FILIP1L: variants seen among roughly 807,000 people sequenced by gnomAD.
FILIP1L encodes filamin A-interacting protein 1-like.
Under a neutral mutation model 96.6 loss-of-function variants are expected in FILIP1L, and 55 were observed. The ratio of observed to expected loss-of-function variants is 0.57; its 90% CI spans 0.46 to 0.71. The LOEUF is 0.71. FILIP1L is among the 30% of genes least tolerant of loss of function. The probability of loss-of-function intolerance (pLI) is 0.00; values close to 1 mark genes in which losing one functional copy is unlikely to be tolerated. For missense variants in FILIP1L, 1,304 were observed against 1,321.2 expected (o/e 0.99, Z 0.20); for synonymous variants, 467 against 473.9 (o/e 0.99, Z 0.19).
intron 4 of FILIP1L, among the ~76,000 whole-genome samples, chr3:99,896,638 C>G (rs1481028365): frequency 6.6e-6 from 1 of 152,110 alleles, no homozygotes; most frequent in African/African-American, 2.4e-5. Flanking sequence ...GGAACAGGCA[C>G]CAAATTACTA....
chr3:100,039,063 C>T (rs572639311), intron 1 of FILIP1L, among the ~76,000 whole-genome samples: 1 of 152,250 alleles, frequency 6.6e-6, no homozygotes, highest in African/African-American at 2.4e-5. Flanking sequence ...GTTGGAAAAA[C>T]TCCTAAATTT....
Position 99,948,339 on chromosome 3 carries a change from A to G in FILIP1L, c.-10-17309T>C, listed in dbSNP as rs1388433862. Among the ~76,000 whole-genome samples the G allele has an allele frequency of 2.0e-5, 3 of 152,182 alleles. No homozygotes were observed. The East Asian group carries it at 5.8e-4, about 29-fold the overall frequency. On this transcript the variant is annotated intron_variant, in intron 1 of 5. Transcript: ENST00000477258. ...GAGACTGTCTCTCCAAAAAAATAAA[A>G]AAATTAAAAAATTTTTTAAAAATTA...
At position 99,830,574 on chromosome 3, in the gene FILIP1L, G is replaced by C. The variant is rs1266867781; in HGVS notation, c.3413C>G (p.Ala1138Gly). 8.8e-6 allele frequency: 4 copies of C among 456,626 alleles called. No homozygotes were observed. The highest frequency in any genetic ancestry group is 1.8e-5 in the Non-Finnish European group (4 of 226,950). 28.3% of individuals were successfully genotyped at this position (456,626 alleles called of 1,614,324 possible). A position where few individuals can be genotyped will look rare whatever the true frequency, so the allele number is the denominator to read the frequency against. ...IKEVCKQRIP[A>G]RIPKPKSTGI... Reference sequence around the variant, plus strand: ...TGTAGATTTCGGTTTAGGGATCCGTGCTGGGATTCTCTGCTTGCATACCTC... The same window carrying C: ...TGTAGATTTCGGTTTAGGGATCCGTCCTGGGATTCTCTGCTTGCATACCTC... Residue 1138 changes from alanine to glycine, a missense_variant, in exon 6 of 6, where the codon GCA becomes GGA. Ala to Gly is a moderately conservative substitution (Grantham distance 60, BLOSUM62 0). Transcript: ENST00000477258.
At chr3:100,085,176 T>A (rs550864634) in intron 1 of FILIP1L, among the ~76,000 whole-genome samples, 5 of 152,330 alleles carry the variant, frequency 3.3e-5, no homozygotes, top group African/African-American at 1.2e-4. Context: ...TATGGAATTG[T>A]TTTAAAAGTA....
At chr3:99,881,485 T>A (rs1488685266) in intron 4 of FILIP1L, among the ~76,000 whole-genome samples, 1 of 151,966 alleles carries the variant, frequency 6.6e-6, no homozygotes, top group East Asian at 1.9e-4. Context: ...CTTTGTTCAG[T>A]CCATTTTTTA....
At chr3:100,064,331 A>C (rs566103264) in intron 1 of FILIP1L, among the ~76,000 whole-genome samples, 2 of 151,946 alleles carry the variant, frequency 1.3e-5, no homozygotes. Flanking sequence ...CTAAAGGACC[A>C]ATTTGCCACC....
intron 1 of FILIP1L, among the ~76,000 whole-genome samples, chr3:100,069,016 C>T (rs141272460): frequency 1.5e-4 from 23 of 152,278 alleles, no homozygotes; most frequent in African/African-American, 5.1e-4. Context: ...CCAGATAGAA[C>T]GTTAGCAAGT....
intron 5 of FILIP1L, among the ~76,000 whole-genome samples, chr3:99,844,733 T>C (rs1183862208): frequency 6.6e-6 from 1 of 152,172 alleles, no homozygotes; most frequent in Non-Finnish European, 1.5e-5. Context: ...CTCACCCAAA[T>C]CTCCTAACTG....
chr3:100,076,313 A>G (rs1225978652), intron 1 of FILIP1L, among the ~76,000 whole-genome samples: 1 of 152,118 alleles, frequency 6.6e-6, no homozygotes, highest in Non-Finnish European at 1.5e-5. Context: ...GATGCTTTTC[A>G]TCTTTCTGAA....
At chr3:99,949,946 AT>A (rs1424854626) in intron 1 of FILIP1L, among the ~76,000 whole-genome samples, 2 of 152,188 alleles carry the variant, frequency 1.3e-5, no homozygotes, top group East Asian at 3.8e-4. Flanking sequence ...CTTTATACAT[AT>A]TCTTGGATAT....
At chr3:100,000,269 A>G (rs1271702871) in intron 1 of FILIP1L, among the ~76,000 whole-genome samples, 1 of 152,208 alleles carries the variant, frequency 6.6e-6, no homozygotes, top group Non-Finnish European at 1.5e-5. Flanking sequence ...GAAAAAAGTC[A>G]TCCAAAGGGG....
In FILIP1L at chr3:100,062,093, C is replaced by CTTTTTTTTTTTTTTTTTTTTTTTT. The variant is rs71907944; in HGVS notation, c.-11+51936_-11+51959dup. ...CCACTTGTGGTTATCCTGTCTTCTT[C>CTTTTTTTTTTTTTTTTTTTTTTTT]TTTTTTTTTTTTTTTTTTTTTTTTT... On this transcript the variant is annotated intron_variant, in intron 1 of 5. Transcript: ENST00000477258. Among the ~76,000 whole-genome samples, 9 of 53,182 alleles carry CTTTTTTTTTTTTTTTTTTTTTTTT rather than the reference C, an allele frequency of 1.7e-4. 2 individuals carry two copies. Among genetic ancestry groups the CTTTTTTTTTTTTTTTTTTTTTTTT allele is most frequent in the Non-Finnish European group, 2.4e-4 (7 of 29,474 alleles). The allele number at this position is 53,182 out of a possible 152,430, so 34.9% of individuals were successfully genotyped here.
chr3:99,951,935 T>G (rs553219718), intron 1 of FILIP1L, among the ~76,000 whole-genome samples: 1 of 152,354 alleles, frequency 6.6e-6, no homozygotes, highest in African/African-American at 2.4e-5. Context: ...TAGATGAGGT[T>G]CTGAAGTAAT....
intron 4 of FILIP1L, among the ~76,000 whole-genome samples, chr3:99,862,456 G>A (rs1944311498): frequency 6.6e-6 from 1 of 152,184 alleles, no homozygotes; most frequent in South Asian, 2.1e-4. Flanking sequence ...TAGTCATAAT[G>A]ATTGTCATTT....
At chr3:100,061,562 A>T (rs952892485) in intron 1 of FILIP1L, among the ~76,000 whole-genome samples, 15 of 152,220 alleles carry the variant, frequency 9.9e-5, no homozygotes, top group African/African-American at 3.1e-4. Flanking sequence ...GAACTTTTTT[A>T]AAAAATTGCT....
At chr3:100,049,930 G>A (rs1265207107) in intron 1 of FILIP1L, among the ~76,000 whole-genome samples, 4 of 152,120 alleles carry the variant, frequency 2.6e-5, no homozygotes, top group Non-Finnish European at 4.4e-5. Flanking sequence ...AGTTATATGC[G>A]ATTTTCAACT....
intron 1 of FILIP1L, among the ~76,000 whole-genome samples, chr3:100,088,681 C>T (rs547907534): frequency 1.3e-5 from 2 of 152,208 alleles, no homozygotes; most frequent in Admixed American, 1.3e-4. Flanking sequence ...CTCCTCATCA[C>T]TCCCTTGAGT....
intron 1 of FILIP1L, among the ~76,000 whole-genome samples, chr3:99,936,013 ATTCT>A (rs896514253): frequency 6.6e-6 from 1 of 152,162 alleles, no homozygotes; most frequent in Non-Finnish European, 1.5e-5. Context: ...TTTAAAAATC[ATTCT>A]TTATTAATGT....
At chr3:100,035,882 G>A (rs1002671929) in intron 1 of FILIP1L, among the ~76,000 whole-genome samples, 5 of 152,150 alleles carry the variant, frequency 3.3e-5, no homozygotes, top group African/African-American at 1.2e-4. Flanking sequence ...TCACATACAT[G>A]TAATTTCTAT....
Sources: gnomAD v4.1 joint callset for allele counts (sites outside exome capture counted in the v4.1 genomes callset) on GRCh38, gnomAD v4.1.1 for gene constraint, MANE v1.5 for transcripts, NCBI Gene and HGNC (gene_info 2026-07-23, HGNC 2026-07-21) for gene names.